RBFOX1: variants seen among roughly 807,000 people sequenced by gnomAD.
The protein encoded by RBFOX1 is RNA binding protein fox-1 homolog 1.
In RBFOX1, 8 loss-of-function variants were observed where a neutral mutation model predicts 57.7. That is an observed-to-expected ratio of 0.14 (90% CI 0.08 to 0.25). The LOEUF is 0.25. RBFOX1 is among the 10% of genes least tolerant of loss of function. The pLI is 1.00. For synonymous variants in RBFOX1, 326 were observed against 222.4 expected (o/e 1.47, Z -4.15); for missense variants, 611 against 548.5 (o/e 1.11, Z -1.14).
At position 6,471,578 on chromosome 16, in the gene RBFOX1, GGA is replaced by G. The variant is rs1491389270; in HGVS notation, c.-64+154522_-64+154523del. On this transcript the variant is annotated intron_variant, in intron 2 of 15. Coordinates refer to ENST00000550418, the MANE Select transcript of RBFOX1 (RefSeq NM_018723.4). ...GGAAGATATCTTTATGCTTATAATT[GGA>G]AAAAAAAAAAAAAAACCTCTAGTGG... 1.0e-3 allele frequency among the ~76,000 whole-genome samples: 98 copies of G among 97,300 alleles called. 1 individual carries two copies. Among genetic ancestry groups the G allele is most frequent in the African/African-American group, 2.7e-3 (92 of 33,514 alleles). The allele number at this position is 97,300 out of a possible 152,430, so 63.8% of individuals were successfully genotyped here. A position where few individuals can be genotyped will look rare whatever the true frequency, so the allele number is the denominator to read the frequency against.
chr16:6,710,435 T>C (rs527357188), intron 3 of RBFOX1, among the ~76,000 whole-genome samples: 27 of 152,350 alleles, frequency 1.8e-4, no homozygotes, highest in South Asian at 2.1e-4. Flanking sequence ...ACATTCTTTT[T>C]TTCATCCTAA....
intron 4 of RBFOX1, among the ~76,000 whole-genome samples, chr16:7,335,704 T>A (rs1312780438): frequency 6.6e-6 from 1 of 152,108 alleles, no homozygotes; most frequent in Non-Finnish European, 1.5e-5. Context: ...ACTGATAGCT[T>A]CAGGAAAGTT....
At chr16:6,709,440 A>C (rs1417498737) in intron 3 of RBFOX1, among the ~76,000 whole-genome samples, 1 of 152,216 alleles carries the variant, frequency 6.6e-6, no homozygotes, top group African/African-American at 2.4e-5. Context: ...GAGAACGTTA[A>C]GTTTCATGAG....
intron 3 of RBFOX1, among the ~76,000 whole-genome samples, chr16:6,800,739 A>G (rs1319771599): frequency 6.6e-6 from 1 of 152,212 alleles, no homozygotes; most frequent in African/African-American, 2.4e-5. Flanking sequence ...TCTTTTAGAT[A>G]AAGTACAAAG....
rs539189655 is a variant in RBFOX1, at chr16:6,716,857, T to G, written c.-16+62207T>G. On this transcript the variant is annotated intron_variant, in intron 3 of 15. Coordinates refer to ENST00000550418, the MANE Select transcript of RBFOX1 (RefSeq NM_018723.4). ...CATTATGTGAGTGTAATAAACTGAA[T>G]GTTTGTATCCTTCCAAAATCCATAC... 2.0e-5 allele frequency among the ~76,000 whole-genome samples: 3 copies of G among 152,288 alleles called. No individual in the cohort carries two copies. The South Asian group carries it at 6.2e-4, about 32-fold the overall frequency.
intron 1 of RBFOX1, among the ~76,000 whole-genome samples, chr16:6,279,382 G>A (rs2076153369): frequency 2.0e-5 from 3 of 152,182 alleles, no homozygotes; most frequent in African/African-American, 7.2e-5. Flanking sequence ...AGGGGAGACT[G>A]TAGATTCCTG....
chr16:7,122,452 CA>C (rs956442402), intron 4 of RBFOX1, among the ~76,000 whole-genome samples: 2 of 151,662 alleles, frequency 1.3e-5, no homozygotes, highest in Non-Finnish European at 1.5e-5. Flanking sequence ...AAAAAAGAAA[CA>C]AAAAACCGTG....
chr16:7,380,102 C>T (rs1189733086), intron 4 of RBFOX1, among the ~76,000 whole-genome samples: 2 of 152,160 alleles, frequency 1.3e-5, no homozygotes, highest in African/African-American at 4.8e-5. Flanking sequence ...AAGTAGTCCT[C>T]TGACCTCAGC....
At chr16:5,599,021 AGCCTCTTTG>A in exon 3 of RBFOX1, 1 of 1,382,254 alleles carries the variant, frequency 7.2e-7, no homozygotes. Context: ...CATCCTTTTC[AGCCTCTTTG>A]GTCTCCGTCA....
chr16:6,788,906 C>G (rs12935065), intron 3 of RBFOX1, among the ~76,000 whole-genome samples: 73,007 of 151,934 alleles, frequency 0.48, 18,210 homozygotes, highest in South Asian at 0.57. Context: ...GCTCTAAGAA[C>G]TCAGCGTCCC....
At chr16:7,624,148 G>A (rs999135212) in intron 10 of RBFOX1, among the ~76,000 whole-genome samples, 2 of 152,152 alleles carry the variant, frequency 1.3e-5, no homozygotes, top group African/African-American at 4.8e-5. Flanking sequence ...AGGACTAATG[G>A]CATCAGACGC....
chr16:6,905,778 A>G (rs775754956), intron 3 of RBFOX1, among the ~76,000 whole-genome samples: 8 of 152,184 alleles, frequency 5.3e-5, no homozygotes, highest in African/African-American at 1.4e-4. Context: ...TTTTCAAGAG[A>G]CAGACTGAGC....
At chr16:6,655,142 G>T (rs2098638424) in intron 3 of RBFOX1, among the ~76,000 whole-genome samples, 1 of 151,754 alleles carries the variant, frequency 6.6e-6, no homozygotes, top group Admixed American at 6.6e-5. Context: ...GGGAGGCAGA[G>T]GTGGGTGGAT....
intron 2 of RBFOX1, among the ~76,000 whole-genome samples, chr16:6,572,269 AC>A (rs1367127187): frequency 6.6e-6 from 1 of 152,220 alleles, no homozygotes; most frequent in Non-Finnish European, 1.5e-5. Flanking sequence ...ATTCTATAGG[AC>A]ATAGAGAATA....
At chr16:6,021,169 C>T (rs1294408339) in intron 1 of RBFOX1, among the ~76,000 whole-genome samples, 1 of 152,310 alleles carries the variant, frequency 6.6e-6, no homozygotes. Context: ...AACATCATGT[C>T]TCCTAACTTG....
chr16:7,473,309 C>G (rs188831877), intron 4 of RBFOX1, among the ~76,000 whole-genome samples: 181 of 151,426 alleles, frequency 1.2e-3, no homozygotes, highest in African/African-American at 4.2e-3. Flanking sequence ...ACTCAGGAGG[C>G]GGAGGTTGTA....
intron 1 of RBFOX1, among the ~76,000 whole-genome samples, chr16:6,196,848 C>T (rs1013486432): frequency 8.6e-5 from 13 of 151,530 alleles, no homozygotes; most frequent in African/African-American, 4.9e-5. Context: ...TTTCCTACTC[C>T]GTCCTGTCTT....
rs540059770 is a variant in RBFOX1 at position 6,878,293 on chromosome 16, G to C, written c.-15-173764G>C. ...GAGTGAGGCCATGAGAGCAGTTCTG[G>C]CTAATGAACTATAAATGAAAGTGAC... On this transcript the variant is annotated intron_variant, in intron 3 of 15. Transcript: ENST00000550418. Among the ~76,000 whole-genome samples the C allele has an allele frequency of 3.3e-5, 5 of 152,248 alleles. No individual in the cohort carries two copies. The South Asian group carries it at 6.2e-4, about 19-fold the overall frequency.
chr16:6,450,839 GTATATATATATATATATATATATATATA>G (rs1202016714), intron 2 of RBFOX1, among the ~76,000 whole-genome samples: 1 of 13,610 alleles, frequency 7.3e-5, no homozygotes, highest in Non-Finnish European at 1.2e-4. Context: ...ATATATATGT[GTATATATATATATATATATATATATATA>G]TATATATCTC....
Sources: allele counts gnomAD v4.1 joint callset (sites outside exome capture counted in the v4.1 genomes callset), GRCh38; gene constraint gnomAD v4.1.1; transcripts MANE v1.5; gene names NCBI Gene and HGNC (gene_info 2026-07-23, HGNC 2026-07-21).